Variants in SCMH1 observed in about 807,000 individuals in gnomAD.
The protein encoded by SCMH1 is polycomb protein SCMH1.
SCMH1 carries 37 observed loss-of-function variants against 70.8 expected under a neutral mutation model. The ratio of observed to expected loss-of-function variants is 0.52; its 90% confidence interval spans 0.40 to 0.69. The LOEUF (loss-of-function observed/expected upper bound fraction) is 0.69, where lower values mean the gene tolerates loss of function less well. Ranked by LOEUF, SCMH1 falls within the 30% of genes least tolerant of loss-of-function variation. The probability of loss-of-function intolerance (pLI) is 0.00; values close to 1 mark genes in which losing one functional copy is unlikely to be tolerated. For synonymous variants in SCMH1, 292 were observed against 307.4 expected (o/e 0.95, Z 0.52); for missense variants, 607 against 827.3 (o/e 0.73, Z 3.27).
At chr1:41,237,616 T>C (rs1444506592) in intron 1 of SCMH1, among the ~76,000 whole-genome samples, 2 of 152,332 alleles carry the variant, frequency 1.3e-5, no homozygotes, top group South Asian at 2.1e-4. Flanking sequence ...TATTAGCTTT[T>C]ACAAATACAA....
In SCMH1 at chr1:41,241,664, C is replaced by T. The variant is rs377588959; in HGVS notation, c.-118+395G>A. On this transcript the variant is annotated intron_variant, in intron 1 of 14. Coordinates refer to ENST00000337495, the Ensembl canonical transcript of SCMH1. ...CGGCCCTCGGCCCCCAGCCAGCCTG[C>T]CCCGGCCCACCCGGCCCCGCCGGCC... is the stretch of plus-strand genomic sequence containing the variant. Among the ~76,000 whole-genome samples the T allele has an allele frequency of 1.4e-3, 219 of 152,146 alleles. 4 individuals are homozygous for T. In the East Asian group the frequency reaches 0.035, roughly 25 times the overall value.
chr1:41,115,789 TTTTC>T (rs1464226973), intron 7 of SCMH1, among the ~76,000 whole-genome samples: 1 of 152,194 alleles, frequency 6.6e-6, no homozygotes, highest in Non-Finnish European at 1.5e-5. Context: ...TATTCTTTTA[TTTTC>T]TTTTTTAAAA....
At chr1:41,094,880 C>T (rs1445966570) in intron 8 of SCMH1, among the ~76,000 whole-genome samples, 3 of 150,548 alleles carry the variant, frequency 2.0e-5, no homozygotes, top group Admixed American at 6.6e-5. Flanking sequence ...CAGAGTGAGA[C>T]TCTGCCTCAA....
chr1:41,173,557 T>C (rs1318126353), intron 2 of SCMH1, among the ~76,000 whole-genome samples: 1 of 152,088 alleles, frequency 6.6e-6, no homozygotes, highest in Non-Finnish European at 1.5e-5. Flanking sequence ...AGGATGAAGG[T>C]TCCTCAAAAA....
intron 9 of SCMH1, among the ~76,000 whole-genome samples, chr1:41,072,496 T>C (rs1270353846): frequency 6.6e-6 from 1 of 152,176 alleles, no homozygotes; most frequent in Non-Finnish European, 1.5e-5. Context: ...TGGTAACATA[T>C]GGAGATAAGA....
At chr1:41,122,028 T>G (rs773714264) in intron 6 of SCMH1, among the ~76,000 whole-genome samples, 19 of 152,228 alleles carry the variant, frequency 1.2e-4, no homozygotes, top group Non-Finnish European at 2.4e-4. Flanking sequence ...AGTCAAACTT[T>G]GCCTAGACAA....
chr1:41,149,119 C>A (rs1644842501), intron 5 of SCMH1, among the ~76,000 whole-genome samples: 1 of 152,068 alleles, frequency 6.6e-6, no homozygotes, highest in Non-Finnish European at 1.5e-5. Context: ...AAAATTTTAG[C>A]CATTATTTCT....
chr1:41,161,470 G>A (rs773229390), intron 2 of SCMH1, 38 bp from the exon 3 acceptor site: 65 of 1,527,200 alleles, frequency 4.3e-5, no homozygotes, highest in Non-Finnish European at 1.8e-5. Context: ...TGGAAAGAAA[G>A]TATAAGATTA....
Position 41,098,920 on chromosome 1 carries a change from G to T in SCMH1, c.745+14363C>A. ...GCTATGCCATTATTAAGTCCCTCCT[G>T]ACCACTGGGTCAGCCATGAAGAAGA... is the stretch of plus-strand genomic sequence containing the variant. On this transcript the variant is annotated intron_variant, in intron 8 of 14. Transcript: ENST00000337495. The T allele has an allele frequency of 1.2e-5, 3 of 249,278 alleles. No homozygotes were observed. The South Asian group carries it at 1.8e-4, about 15-fold the overall frequency. The allele number at this position is 249,278 out of a possible 1,614,324, so 15.4% of individuals were successfully genotyped here. A position where few individuals can be genotyped will look rare whatever the true frequency, so the allele number is the denominator to read the frequency against.
chr1:41,185,761 A>G (rs887345829), intron 2 of SCMH1, among the ~76,000 whole-genome samples: 7 of 151,048 alleles, frequency 4.6e-5, no homozygotes, highest in Non-Finnish European at 7.4e-5. Context: ...TCAGCCTCCC[A>G]AGTAGCTGGG....
At chr1:41,059,047 G>A (rs1251880158) in intron 10 of SCMH1, among the ~76,000 whole-genome samples, 1 of 152,216 alleles carries the variant, frequency 6.6e-6, no homozygotes, top group Non-Finnish European at 1.5e-5. Context: ...ATGGATGCCT[G>A]AGGCTTTTTA....
At chr1:41,236,737 T>C (rs1662469321) in intron 1 of SCMH1, among the ~76,000 whole-genome samples, 1 of 152,244 alleles carries the variant, frequency 6.6e-6, no homozygotes, top group African/African-American at 2.4e-5. Flanking sequence ...CTCTAGATTA[T>C]AAAACCTAAC....
intron 1 of SCMH1, among the ~76,000 whole-genome samples, chr1:41,196,258 A>C (rs1409273993): frequency 5.3e-5 from 8 of 152,146 alleles, no homozygotes; most frequent in Non-Finnish European, 1.2e-4. Flanking sequence ...CAAATAGCTC[A>C]AACAATCTTG....
intron 8 of SCMH1, among the ~76,000 whole-genome samples, chr1:41,095,465 C>T (rs1387149503): frequency 6.6e-6 from 1 of 152,112 alleles, no homozygotes; most frequent in African/African-American, 2.4e-5. Context: ...GCAGTGAAAA[C>T]TGGGAAAAAA....
In SCMH1 at chr1:41,132,467, T is replaced by C. The variant is rs1334942424; in HGVS notation, c.412+10411A>G. On this transcript the variant is annotated intron_variant, in intron 6 of 14. Transcript: ENST00000337495. ...TTAGCCCTTTGTCAGATGGGTAGAT[T>C]GCAAAAATTTCCTCCTATTCTGTAG... is the stretch of plus-strand genomic sequence containing the variant. Among the ~76,000 whole-genome samples, 3 of 152,216 alleles carry C rather than the reference T, an allele frequency of 2.0e-5. No homozygotes were observed. In the East Asian group the frequency reaches 5.8e-4, roughly 29 times the overall value.
chr1:41,072,456 TCCAGAGAAG>T (rs1656869113), intron 9 of SCMH1, among the ~76,000 whole-genome samples: 1 of 152,216 alleles, frequency 6.6e-6, no homozygotes, highest in African/African-American at 2.4e-5. Flanking sequence ...CAGGGCTTTA[TCCAGAGAAG>T]CCTTCCCAAA....
rs560932949 is a variant in SCMH1, at chr1:41,107,566, C to A, written c.745+5717G>T. On this transcript the variant is annotated intron_variant, in intron 8 of 14. Coordinates refer to ENST00000337495, the Ensembl canonical transcript of SCMH1. Reference sequence around the variant, plus strand: ...GACAGAGTCTTGCTCTGTCACCAGGCTGGAGTGCAGTGGCATGATCTTGGC... The same window carrying A: ...GACAGAGTCTTGCTCTGTCACCAGGATGGAGTGCAGTGGCATGATCTTGGC... Among the ~76,000 whole-genome samples, 3 of 152,196 alleles carry A rather than the reference C, an allele frequency of 2.0e-5. No homozygotes were observed. The South Asian group carries it at 6.2e-4, about 32-fold the overall frequency.
chr1:41,229,855 G>C (rs1251120016), intron 1 of SCMH1, among the ~76,000 whole-genome samples: 3 of 152,182 alleles, frequency 2.0e-5, no homozygotes, highest in Non-Finnish European at 4.4e-5. Flanking sequence ...TTAACAGAGT[G>C]ACTGTGGAAG....
In SCMH1 at chr1:41,041,152, C is replaced by G. The variant is rs149744764; in HGVS notation, c.1499-3611G>C. ...TGACCAAGGAACTAGAGATGTTGAT[C>G]TAAGAAAATTCTTACACCAACGCAG... On this transcript the variant is annotated intron_variant, in intron 12 of 14. Coordinates refer to ENST00000337495, the Ensembl canonical transcript of SCMH1. 3.6e-3 allele frequency among the ~76,000 whole-genome samples: 548 copies of G among 152,120 alleles called. 1 individual carries two copies. The highest frequency in any genetic ancestry group is 0.027 in the South Asian group (128 of 4,814).
Sources: allele counts gnomAD v4.1 joint callset (sites outside exome capture counted in the v4.1 genomes callset), GRCh38; gene constraint gnomAD v4.1.1; transcripts MANE v1.5; gene names NCBI Gene and HGNC (gene_info 2026-07-23, HGNC 2026-07-21).